The following FBXW11 variants were observed in gnomAD, a reference collection of about 807,000 sequenced individuals.
FBXW11 encodes F-box and WD repeat domain containing 11.
A neutral mutation model predicts 77.6 loss-of-function variants in FBXW11; 19 were observed. The observed-to-expected ratio is 0.24, with a 90% CI of 0.17 to 0.36. FBXW11 has a LOEUF of 0.36. Ranked by LOEUF, FBXW11 falls within the 10% of genes least tolerant of loss-of-function variation. The pLI is 1.00. For synonymous variants in FBXW11, 235 were observed against 249.4 expected, an observed-to-expected ratio of 0.94 and a Z score of 0.54; for missense variants, 334 against 704.2, an observed-to-expected ratio of 0.47 and a Z score of 5.95.
At chr5:171,961,836 G>A (rs912239520) in intron 1 of FBXW11, among the ~76,000 whole-genome samples, 2 of 152,144 alleles carry the variant, frequency 1.3e-5, no homozygotes, top group East Asian at 1.9e-4. Context: ...TAGTAGAGAC[G>A]GGGTTTCACC....
intron 1 of FBXW11, among the ~76,000 whole-genome samples, chr5:171,961,309 A>C (rs1049687079): frequency 4.6e-5 from 7 of 152,206 alleles, no homozygotes; most frequent in African/African-American, 1.7e-4. Flanking sequence ...TTCCAGTTTC[A>C]AGACGAGTGT....
intron 1 of FBXW11, among the ~76,000 whole-genome samples, chr5:172,001,408 C>T (rs1416370531): frequency 6.6e-6 from 1 of 152,110 alleles, no homozygotes; most frequent in Admixed American, 6.6e-5. Flanking sequence ...AAGACACAGG[C>T]AAAAGGCAAT....
At chr5:171,997,579 T>C (rs1209417918) in intron 1 of FBXW11, among the ~76,000 whole-genome samples, 1 of 152,186 alleles carries the variant, frequency 6.6e-6, no homozygotes, top group Non-Finnish European at 1.5e-5. Context: ...AGCTAAAATA[T>C]AGTGTGCTTC....
intron 2 of FBXW11, among the ~76,000 whole-genome samples, chr5:171,954,741 A>G (rs562320396): frequency 6.6e-6 from 1 of 152,358 alleles, no homozygotes; most frequent in East Asian, 1.9e-4. Context: ...TCATTTTGGC[A>G]AAAAGAATGG....
intron 1 of FBXW11, among the ~76,000 whole-genome samples, chr5:171,989,651 GA>G (rs1156605797): frequency 6.6e-6 from 1 of 152,226 alleles, no homozygotes; most frequent in Non-Finnish European, 1.5e-5. Flanking sequence ...GCAAAGGAAG[GA>G]AAAGGGTAAA....
In FBXW11 at chr5:171,870,826, CTT is replaced by C; in HGVS notation, c.1371_1372del (p.Arg458SerfsTer6). 1 of 1,613,906 alleles carries C rather than the reference CTT, an allele frequency of 6.2e-7. No homozygotes were observed. Among genetic ancestry groups the C allele is most frequent in the Non-Finnish European group, 8.5e-7 (1 of 1,179,808 alleles). On this transcript the variant is annotated frameshift_variant, in exon 11 of 14. Transcript: ENST00000517395. LOFTEE classifies it high-confidence loss of function. ...CAATTCTTCATGTCCCTCTAGGACTCTTAAACAGGCACCACATTCAATATCCC... is the reference window on the plus strand; with the variant it reads ...CAATTCTTCATGTCCCTCTAGGACTCAAACAGGCACCACATTCAATATCCC...
intron 4 of FBXW11, chr5:171,908,800 G>GC (rs1383684417): frequency 6.6e-6 from 1 of 152,174 alleles, no homozygotes; most frequent in Non-Finnish European, 1.5e-5. Context: ...GGTCTTGTTT[G>GC]CTGTGGAAGT....
intron 1 of FBXW11, among the ~76,000 whole-genome samples, chr5:172,002,914 G>A (rs1240764712): frequency 3.3e-5 from 5 of 151,126 alleles, no homozygotes; most frequent in Non-Finnish European, 7.4e-5. Context: ...GCCTAGGCTG[G>A]TCTCTAACTC....
chr5:171,945,253 G>A (rs895454566), intron 2 of FBXW11, among the ~76,000 whole-genome samples: 4 of 152,134 alleles, frequency 2.6e-5, no homozygotes, highest in South Asian at 2.1e-4. Context: ...GCAAGCTACT[G>A]GTATAACAAC....
At chr5:171,918,876 G>A (rs182015543) in intron 2 of FBXW11, among the ~76,000 whole-genome samples, 28 of 152,250 alleles carry the variant, frequency 1.8e-4, no homozygotes, top group Non-Finnish European at 3.8e-4. Flanking sequence ...AAATGTCCCA[G>A]GGAAGGGGGC....
chr5:171,906,347 G>A (rs1432229256), intron 4 of FBXW11, among the ~76,000 whole-genome samples: 4 of 152,128 alleles, frequency 2.6e-5, no homozygotes, highest in African/African-American at 7.2e-5. Flanking sequence ...CTTTCACTTG[G>A]AAAACACCAA....
chr5:171,869,762 G>A lies in FBXW11; in HGVS notation c.1497C>T (p.Ala499=). Residue 499 remains alanine, a synonymous_variant, in exon 12 of 14, where the codon GCC becomes GCT. Coordinates refer to ENST00000517395, the MANE Select transcript of FBXW11 (RefSeq NM_001378974.1). The surrounding 1 kb of genome is among the most constrained non-coding windows in gnomAD (Gnocchi z 4.1). The part of the protein sequence containing the change: ...WDLQAALDPR[A]PASTLCLRTL... Reference sequence around the variant, plus strand: ...TGCGCAAACACAATGTGCTTGCTGGGGCTCGAGGGTCAAGAGCAGCTTGCA... The same window carrying A: ...TGCGCAAACACAATGTGCTTGCTGGAGCTCGAGGGTCAAGAGCAGCTTGCA... 2.5e-6 allele frequency: 4 copies of A among 1,611,196 alleles called. No individual in the cohort carries two copies. Among genetic ancestry groups the A allele is most frequent in the Non-Finnish European group, 3.4e-6 (4 of 1,178,520 alleles).
At position 171,993,599 on chromosome 5, in the gene FBXW11, G is replaced by A. The variant is rs114258189; in HGVS notation, c.45+12859C>T. On this transcript the variant is annotated intron_variant, in intron 1 of 13. Transcript: ENST00000517395. The stretch of plus-strand genomic sequence containing the variant: ...CTGCACTCCAGCCTGGTGACAGAGC[G>A]AAGACTCTGTCTCAAAAAAAAAGAA... Among the ~76,000 whole-genome samples the A allele has an allele frequency of 3.7e-3, 558 of 151,978 alleles. 5 individuals are homozygous for A. Among genetic ancestry groups the A allele is most frequent in the African/African-American group, 0.012 (515 of 41,390 alleles).
intron 2 of FBXW11, among the ~76,000 whole-genome samples, chr5:171,942,712 C>T (rs532110304): frequency 5.3e-5 from 8 of 152,112 alleles, no homozygotes; most frequent in South Asian, 2.1e-4. Context: ...TGAGGTAGGA[C>T]GATCACCTGA....
At chr5:171,893,430 A>AAAAAAAAAC (rs1250684307) in intron 6 of FBXW11, among the ~76,000 whole-genome samples, 13 of 139,798 alleles carry the variant, frequency 9.3e-5, no homozygotes, top group South Asian at 2.3e-4. Context: ...CCAAAAAAAA[A>AAAAAAAAAC]AAAAAAAAAA....
chr5:171,986,690 G>A (rs551940690), intron 1 of FBXW11, among the ~76,000 whole-genome samples: 1 of 150,136 alleles, frequency 6.7e-6, no homozygotes, highest in East Asian at 2.0e-4. Flanking sequence ...TGGCGCCACC[G>A]CACTCCAGCC....
At chr5:171,993,947 A>G (rs769937230) in intron 1 of FBXW11, among the ~76,000 whole-genome samples, 8 of 152,248 alleles carry the variant, frequency 5.3e-5, no homozygotes, top group Non-Finnish European at 1.0e-4. Flanking sequence ...CAATCATTGC[A>G]GAAAGTTCTA....
At chr5:171,924,050 G>A (rs1380841284) in intron 2 of FBXW11, among the ~76,000 whole-genome samples, 7 of 149,144 alleles carry the variant, frequency 4.7e-5, no homozygotes, top group East Asian at 4.0e-4. Flanking sequence ...TCAGCCTCCC[G>A]AGTAGCTGGG....
chr5:171,875,272 A>G (rs1483388732), intron 9 of FBXW11, among the ~76,000 whole-genome samples: 1 of 150,936 alleles, frequency 6.6e-6, no homozygotes, highest in Non-Finnish European at 1.5e-5. Context: ...AAAAAAAAAG[A>G]AGGGACAAAG....
Sources: allele counts gnomAD v4.1 joint callset (sites outside exome capture counted in the v4.1 genomes callset), GRCh38; gene constraint gnomAD v4.1.1; non-coding constraint Gnocchi (gnomAD v3.1); transcripts MANE v1.5; gene names NCBI Gene and HGNC (gene_info 2026-07-23, HGNC 2026-07-21).